TRIM71: variants seen among roughly 807,000 people sequenced by gnomAD.
TRIM71 encodes tripartite motif containing 71, also known as E3 ubiquitin-protein ligase TRIM71.
In TRIM71, 9 loss-of-function variants were observed where a neutral mutation model predicts 61.2. The ratio of observed to expected loss-of-function variants is 0.15; its 90% CI spans 0.09 to 0.26. The LOEUF (loss-of-function observed/expected upper bound fraction) is 0.26. TRIM71 is among the 10% of genes least tolerant of loss of function. TRIM71 has a pLI of 1.00. For synonymous variants in TRIM71, 645 were observed against 553.2 expected (o/e 1.17, Z -2.33); for missense variants, 998 against 1,238.7 (o/e 0.81, Z 2.92).
intron 1 of TRIM71, among the ~76,000 whole-genome samples, chr3:32,841,629 C>G (rs557710118): frequency 6.6e-6 from 1 of 152,242 alleles, no homozygotes; most frequent in East Asian, 1.9e-4. Flanking sequence ...CCCCCACCCC[C>G]CAAAAGAAAA....
chr3:32,889,646 T>TGG (rs971673519), intron 3 of TRIM71, among the ~76,000 whole-genome samples: 8 of 151,224 alleles, frequency 5.3e-5, no homozygotes, highest in African/African-American at 1.9e-4. Context: ...TGGAGTGCAA[T>TGG]GGTGTGATCT....
At chr3:32,886,173 T>G (rs1301385525) in intron 3 of TRIM71, 105 bp downstream of exon 3, 1 of 1,351,990 alleles carries the variant, frequency 7.4e-7, no homozygotes, top group Non-Finnish European at 9.6e-7. Context: ...AGCTCTAAGT[T>G]TAAAACACTT....
At chr3:32,829,913 A>G (rs1575341768) in intron 1 of TRIM71, among the ~76,000 whole-genome samples, 1 of 145,118 alleles carries the variant, frequency 6.9e-6, no homozygotes. Context: ...TACTAAATTT[A>G]CTGCCTGAAT....
In TRIM71 at chr3:32,885,925, G is replaced by A. The variant is rs766237569; in HGVS notation, c.1021-9G>A. 1.9e-6 allele frequency: 3 copies of A among 1,606,526 alleles called. No homozygotes were observed. Among genetic ancestry groups the A allele is most frequent in the Non-Finnish European group, 2.5e-6 (3 of 1,177,830 alleles). On this transcript the variant is annotated splice_polypyrimidine_tract_variant and intron_variant, in intron 2 of 3. Transcript: ENST00000383763. ...AATGCCTCGAAGTTGTTTCTTTTTG[G>A]TTTTCCAGCTGAGCATCGAGCAGGC...
chr3:32,863,754 T>C (rs529912920), intron 1 of TRIM71, among the ~76,000 whole-genome samples: 2 of 152,284 alleles, frequency 1.3e-5, no homozygotes, highest in East Asian at 1.9e-4. Context: ...AGATCTTGGC[T>C]CACTGCAGCC....
Position 32,896,670 on chromosome 3 carries a change from C to G in TRIM71, c.*4859C>G, listed in dbSNP as rs1697080848. Reference sequence around the variant, plus strand: ...CTGATCTTACGGGTTAACAAGCCAGCCTGGTGGGATATTTTCCATCATCAT... The same window carrying G: ...CTGATCTTACGGGTTAACAAGCCAGGCTGGTGGGATATTTTCCATCATCAT... On this transcript the variant is annotated 3_prime_UTR_variant, in exon 4 of 4. Coordinates refer to ENST00000383763, the MANE Select transcript of TRIM71 (RefSeq NM_001039111.3). The G allele has an allele frequency of 1.3e-5, 2 of 152,292 alleles. No homozygotes were observed. Among genetic ancestry groups the G allele is most frequent in the South Asian group, 4.1e-4 (2 of 4,826 alleles). 9.4% of individuals were successfully genotyped at this position (152,292 alleles called of 1,614,324 possible).
rs568587004 is a variant in TRIM71, at chr3:32,818,182, C to G, written c.102C>G (p.Ser34=). The part of the protein sequence containing the change: ...PLSSNSSASS[S]SSQTSTSSGG... ...CCTCCAACTCGTCCGCGTCGTCGTC[C>G]TCCTCGCAGACGTCCACGTCGTCGG... Residue 34 remains serine (S), a synonymous_variant, in exon 1 of 4, where the codon TCC becomes TCG. Coordinates refer to ENST00000383763, the MANE Select transcript of TRIM71 (RefSeq NM_001039111.3). 3.9e-5 allele frequency: 63 copies of G among 1,598,952 alleles called. No homozygotes were observed. The highest frequency in any genetic ancestry group is 1.1e-4 in the African/African-American group (8 of 73,692).
chr3:32,871,669 T>C (rs1463876981), intron 1 of TRIM71, among the ~76,000 whole-genome samples: 1 of 152,240 alleles, frequency 6.6e-6, no homozygotes, highest in Non-Finnish European at 1.5e-5. Flanking sequence ...TTGAGAATTT[T>C]AGATTTAAAA....
chr3:32,890,900 C>G lies in TRIM71; in HGVS notation c.1696C>G (p.Leu566Val), dbSNP rs765372506. 1 of 1,614,238 alleles carries G rather than the reference C, an allele frequency of 6.2e-7. No individual in the cohort carries two copies. The highest frequency in any genetic ancestry group is 8.5e-7 in the Non-Finnish European group (1 of 1,180,044). Residue 566 changes from leucine to valine, a missense_variant, in exon 4 of 4, where the codon CTG becomes GTG. Physicochemically the swap from Leu to Val is conservative, Grantham distance 32. This residue lies in a region of TRIM71 where 291 missense variants were observed against 431.2 expected (regional missense o/e 0.67). Coordinates refer to ENST00000383763, the MANE Select transcript of TRIM71 (RefSeq NM_001039111.3). The surrounding 1 kb of genome is among the most constrained non-coding windows in gnomAD (Gnocchi z 6.2). ...GGGTGAGCACCTGGTATCTGTGACACTGTGCAACCAGCACATTGAGAACAG... is the reference window on the plus strand; with the variant it reads ...GGGTGAGCACCTGGTATCTGTGACAGTGTGCAACCAGCACATTGAGAACAG... ...LEGEHLVSVT[L>V]CNQHIENSPF...
chr3:32,843,296 C>G (rs1315815235), intron 1 of TRIM71, among the ~76,000 whole-genome samples: 1 of 152,110 alleles, frequency 6.6e-6, no homozygotes, highest in Admixed American at 6.5e-5. Context: ...GAGGGTTGAT[C>G]TTGATTTGCA....
At chr3:32,821,329 C>T (rs1405252958) in intron 1 of TRIM71, among the ~76,000 whole-genome samples, 1 of 152,076 alleles carries the variant, frequency 6.6e-6, no homozygotes, top group Non-Finnish European at 1.5e-5. Flanking sequence ...TTCCCTTGTC[C>T]ACAGGCTCCG....
At chr3:32,868,015 T>G (rs183378178) in intron 1 of TRIM71, among the ~76,000 whole-genome samples, 3 of 152,150 alleles carry the variant, frequency 2.0e-5, no homozygotes, top group African/African-American at 7.2e-5. Context: ...TAATCTTATT[T>G]AACAGACGCT....
At chr3:32,824,035 G>A (rs920104701) in intron 1 of TRIM71, among the ~76,000 whole-genome samples, 12 of 149,378 alleles carry the variant, frequency 8.0e-5, no homozygotes, top group East Asian at 2.0e-4. Flanking sequence ...AGATCGTGCC[G>A]CTGCACTCCA....
rs542914165 is a variant in TRIM71, at chr3:32,842,486, A to T, written c.852+23554A>T. On this transcript the variant is annotated intron_variant, in intron 1 of 3. Coordinates refer to ENST00000383763, the MANE Select transcript of TRIM71 (RefSeq NM_001039111.3). ...TTTGATCCAAGAAATCAGACTGCTG[A>T]GTTAGGTAAAAGAATTAAGCCATTG... Among the ~76,000 whole-genome samples the T allele has an allele frequency of 3.3e-5, 5 of 152,334 alleles. No homozygotes were observed. In the East Asian group the frequency reaches 7.7e-4, roughly 24 times the overall value.
At chr3:32,884,206 C>T (rs1280429676) in intron 2 of TRIM71, among the ~76,000 whole-genome samples, 3 of 152,146 alleles carry the variant, frequency 2.0e-5, no homozygotes, top group Non-Finnish European at 4.4e-5. Flanking sequence ...CTGCCTCGGC[C>T]TCCCAAAGTG....
chr3:32,823,184 G>C (rs1696160704), intron 1 of TRIM71, among the ~76,000 whole-genome samples: 1 of 152,222 alleles, frequency 6.6e-6, no homozygotes, highest in Non-Finnish European at 1.5e-5. Flanking sequence ...GAAAATGCTT[G>C]ATAAAAATAT....
rs371377283 is a variant in TRIM71 at position 32,827,056 on chromosome 3, C to T, written c.852+8124C>T. 7.2e-4 allele frequency among the ~76,000 whole-genome samples: 110 copies of T among 152,194 alleles called. 2 individuals are homozygous for T. Among genetic ancestry groups the T allele is most frequent in the African/African-American group, 2.5e-3 (104 of 41,510 alleles). ...TGGTATTAACAGGCATGAGCCACCG[C>T]GCCCGGGCTATGAGTTTGTTTTTAG... is the stretch of plus-strand genomic sequence containing the variant. On this transcript the variant is annotated intron_variant, in intron 1 of 3. Coordinates refer to ENST00000383763, the MANE Select transcript of TRIM71 (RefSeq NM_001039111.3).
chr3:32,830,097 A>AT (rs1696252844), intron 1 of TRIM71, among the ~76,000 whole-genome samples: 1 of 151,536 alleles, frequency 6.6e-6, no homozygotes, highest in Non-Finnish European at 1.5e-5. Flanking sequence ...GTAATTTTGT[A>AT]TTTTTAGTAG....
At chr3:32,888,163 T>C (rs1249783227) in intron 3 of TRIM71, among the ~76,000 whole-genome samples, 1 of 152,178 alleles carries the variant, frequency 6.6e-6, no homozygotes, top group Non-Finnish European at 1.5e-5. Context: ...TCCATGTCCA[T>C]ATATATTATA....
Sources: gnomAD v4.1 joint callset for allele counts (sites outside exome capture counted in the v4.1 genomes callset) on GRCh38, gnomAD v4.1.1 for gene constraint, gnomAD v4.1.1 regional missense constraint, Gnocchi (gnomAD v3.1) non-coding constraint, MANE v1.5 for transcripts, NCBI Gene and HGNC (gene_info 2026-07-23, HGNC 2026-07-21) for gene names.